MMP26: variants seen among roughly 807,000 people sequenced by gnomAD.
The protein encoded by MMP26 is matrix metalloproteinase-26.
MMP26 carries 33 observed loss-of-function variants against 31.0 expected under a neutral mutation model. The observed-to-expected ratio is 1.06, with a 90% CI of 0.81 to 1.42. The LOEUF is 1.42. Among genes scored for constraint, MMP26 ranks in the 40% most tolerant of loss-of-function variants. The probability of loss-of-function intolerance (pLI) is 0.00; values close to 1 mark genes in which losing one functional copy is unlikely to be tolerated. For synonymous variants in MMP26, 122 were observed against 114.9 expected (o/e 1.06, Z -0.40); for missense variants, 347 against 316.1 (o/e 1.10, Z -0.74).
intron 2 of MMP26, among the ~76,000 whole-genome samples, chr11:4,897,069 T>G (rs1380520675): frequency 1.3e-5 from 2 of 152,018 alleles, no homozygotes; most frequent in Admixed American, 1.3e-4. Flanking sequence ...CCTTTACTCA[T>G]GACCTATCCT....
At position 4,710,638 on chromosome 11, in the gene MMP26, A is replaced by G. The variant is rs1176668774; in HGVS notation, c.-217+5593A>G. The G allele has an allele frequency of 1.7e-5, 6 of 352,334 alleles. 1 individual carries two copies. The highest frequency in any genetic ancestry group is 1.3e-4 in the South Asian group (6 of 46,092). 21.8% of individuals were successfully genotyped at this position (352,334 alleles called of 1,614,324 possible). On this transcript the variant is annotated intron_variant, in intron 1 of 7. Coordinates refer to ENST00000380390, the MANE Select transcript of MMP26 (RefSeq NM_021801.5). ...AACATGCTTTCTTTCTATTCTGATG[A>G]TCCACTAACTTACCATTTACACAGT...
intron 2 of MMP26, among the ~76,000 whole-genome samples, chr11:4,818,939 G>T (rs1037450868): frequency 3.3e-5 from 5 of 152,256 alleles, no homozygotes; most frequent in African/African-American, 1.2e-4. Flanking sequence ...CTCAGATAAA[G>T]ACAAGCTGGA....
At chr11:4,734,641 C>T (rs1381212757) in intron 1 of MMP26, among the ~76,000 whole-genome samples, 6 of 151,926 alleles carry the variant, frequency 3.9e-5, no homozygotes, top group South Asian at 2.1e-4. Flanking sequence ...TTTTATGACC[C>T]GTGGGTTATT....
At position 4,971,808 on chromosome 11, in the gene MMP26, G is replaced by A. The variant is rs1598506; in HGVS notation, c.-144-16260G>A. The stretch of plus-strand genomic sequence containing the variant: ...AAAGCCTCTACTCATTGGTGGAAGG[G>A]GAAAGGGAGAAGGTATCACAGGCAA... On this transcript the variant is annotated intron_variant, in intron 2 of 7. Coordinates refer to ENST00000380390, the MANE Select transcript of MMP26 (RefSeq NM_021801.5). Among the ~76,000 whole-genome samples, 731 of 152,240 alleles carry A rather than the reference G, an allele frequency of 4.8e-3. 9 individuals are homozygous for A. The highest frequency in any genetic ancestry group is 0.016 in the African/African-American group (677 of 41,542).
intron 2 of MMP26, among the ~76,000 whole-genome samples, chr11:4,774,220 G>T (rs961882065): frequency 6.6e-6 from 1 of 152,168 alleles, no homozygotes; most frequent in Non-Finnish European, 1.5e-5. Flanking sequence ...CTTCCAAAAT[G>T]GTTGAACTAA....
chr11:4,895,485 T>C (rs1178089457), intron 2 of MMP26, among the ~76,000 whole-genome samples: 1 of 152,228 alleles, frequency 6.6e-6, no homozygotes, highest in Non-Finnish European at 1.5e-5. Context: ...CTGTCAGAGT[T>C]ATCCTATTTC....
At chr11:4,889,262 C>T (rs1041281065) in intron 2 of MMP26, among the ~76,000 whole-genome samples, 13 of 152,034 alleles carry the variant, frequency 8.6e-5, no homozygotes, top group African/African-American at 2.7e-4. Flanking sequence ...ATAGTATATG[C>T]ATCTTACCTA....
intron 2 of MMP26, among the ~76,000 whole-genome samples, chr11:4,922,682 C>T (rs1278131262): frequency 6.6e-6 from 1 of 152,176 alleles, no homozygotes; most frequent in Non-Finnish European, 1.5e-5. Context: ...CTTTTACCTT[C>T]ATATCTAAAG....
chr11:4,821,440 A>T (rs1849496750), intron 2 of MMP26: 1 of 1,613,790 alleles, frequency 6.2e-7, no homozygotes. Flanking sequence ...CCTCAATAAT[A>T]CCATTGCTGA....
chr11:4,840,297 A>G (rs1202586874), intron 2 of MMP26, among the ~76,000 whole-genome samples: 1 of 152,180 alleles, frequency 6.6e-6, no homozygotes, highest in East Asian at 1.9e-4. Flanking sequence ...TTTGCCAACT[A>G]CAGATTGTGG....
intron 1 of MMP26, chr11:4,723,362 G>T (rs1371123689): frequency 1.0e-6 from 1 of 963,558 alleles, no homozygotes; most frequent in Non-Finnish European, 1.7e-6. Context: ...GCCTCCGCCC[G>T]GCTGCGGTTG....
At position 4,776,837 on chromosome 11, in the gene MMP26, C is replaced by A. The variant is rs75188583; in HGVS notation, c.-145+9496C>A. On this transcript the variant is annotated intron_variant, in intron 2 of 7. Coordinates refer to ENST00000380390, the MANE Select transcript of MMP26 (RefSeq NM_021801.5). ...TTCCCAGTCATATTTCCTGTTAATCCTGTGGAACTGTGAGTTCACTAAATC... is the reference window on the plus strand; with the variant it reads ...TTCCCAGTCATATTTCCTGTTAATCATGTGGAACTGTGAGTTCACTAAATC... Among the ~76,000 whole-genome samples the A allele has an allele frequency of 3.2e-3, 483 of 152,182 alleles. 2 individuals carry two copies. Among genetic ancestry groups the A allele is most frequent in the African/African-American group, 0.011 (459 of 41,526 alleles).
At chr11:4,802,506 A>G (rs1206689100) in intron 2 of MMP26, among the ~76,000 whole-genome samples, 3 of 152,210 alleles carry the variant, frequency 2.0e-5, no homozygotes, top group Non-Finnish European at 4.4e-5. Flanking sequence ...ATGGTATTGT[A>G]TTCAATTTTG....
At chr11:4,868,724 G>C (rs988549342) in intron 2 of MMP26, among the ~76,000 whole-genome samples, 1 of 152,070 alleles carries the variant, frequency 6.6e-6, no homozygotes, top group Non-Finnish European at 1.5e-5. Flanking sequence ...CTACTTTAAA[G>C]TTCATATGGA....
At chr11:4,988,347 G>A (rs749433218) in intron 3 of MMP26, 37 bp downstream of exon 3, 2 of 1,510,644 alleles carry the variant, frequency 1.3e-6, no homozygotes, top group Admixed American at 3.3e-5. Flanking sequence ...ATTACATGGT[G>A]ACCATTGTGG....
At chr11:4,845,021 A>G (rs1849847921) in intron 2 of MMP26, among the ~76,000 whole-genome samples, 1 of 152,140 alleles carries the variant, frequency 6.6e-6, no homozygotes. Flanking sequence ...TACCAAAACA[A>G]TTATTAGAAC....
In MMP26 at chr11:4,991,818, C is replaced by T. The variant is rs1285853237; in HGVS notation, c.596-146C>T. 1.1e-5 allele frequency: 8 copies of T among 742,640 alleles called. No individual in the cohort carries two copies. The Admixed American group carries it at 1.7e-4, about 16-fold the overall frequency. 46.0% of individuals were successfully genotyped at this position (742,640 alleles called of 1,614,324 possible). Reference sequence around the variant, plus strand: ...TTCTGTTTTCTACTTACTTTCTTTCCCTCCTTGCCTACCTTTTCCTTTACC... The same window carrying T: ...TTCTGTTTTCTACTTACTTTCTTTCTCTCCTTGCCTACCTTTTCCTTTACC... On this transcript the variant is annotated intron_variant, in intron 6 of 7. Transcript: ENST00000380390.
chr11:4,860,929 G>A (rs1249910328), intron 2 of MMP26, among the ~76,000 whole-genome samples: 1 of 151,750 alleles, frequency 6.6e-6, no homozygotes, highest in Non-Finnish European at 1.5e-5. Context: ...TAATAACATA[G>A]AGCATATTGC....
chr11:4,739,583 T>C (rs939445199), intron 1 of MMP26, among the ~76,000 whole-genome samples: 4 of 152,012 alleles, frequency 2.6e-5, no homozygotes, highest in African/African-American at 7.3e-5. Flanking sequence ...CCACTTGATA[T>C]GGAGAATATA....
Sources: allele counts gnomAD v4.1 joint callset (sites outside exome capture counted in the v4.1 genomes callset), GRCh38; gene constraint gnomAD v4.1.1; transcripts MANE v1.5; gene names NCBI Gene and HGNC (gene_info 2026-07-23, HGNC 2026-07-21).